MORC4: variants seen among roughly 807,000 people sequenced by gnomAD.
MORC4 encodes MORC family CW-type zinc finger 4, also known as MORC family CW-type zinc finger protein 4.
A neutral mutation model predicts 65.5 loss-of-function variants in MORC4; 22 were observed. That is an observed-to-expected ratio of 0.34 (90% confidence interval 0.24 to 0.48). MORC4 has a LOEUF of 0.48. MORC4 is among the 20% of genes least tolerant of loss of function. MORC4 has a pLI of 0.99. For synonymous variants in MORC4, 267 were observed against 255.8 expected, an observed-to-expected ratio of 1.04 and a Z score of -0.42; for missense variants, 624 against 703.0, an observed-to-expected ratio of 0.89 and a Z score of 1.27.
chrX:106,974,494 T>C (rs774596771), intron 9 of MORC4, among the ~76,000 whole-genome samples: 3 of 111,948 alleles, frequency 2.7e-5, no homozygotes, highest in Admixed American at 9.5e-5. Flanking sequence ...GTGAGACATA[T>C]CTCAAGTCAT....
At chrX:106,976,545 A>G in intron 9 of MORC4, 39 bp downstream of exon 9, 1 of 924,827 alleles carries the variant, frequency 1.1e-6, no homozygotes, top group Non-Finnish European at 1.6e-6. Context: ...TCATATCTGA[A>G]CAAACTAACG....
chrX:106,943,929 C>T (rs758443222), intron 14 of MORC4, among the ~76,000 whole-genome samples: 81 of 112,732 alleles, frequency 7.2e-4, no homozygotes, highest in Non-Finnish European at 1.4e-3. Flanking sequence ...CCATGTTTGG[C>T]TGCTGTATGC....
chrX:106,955,036 T>C lies in MORC4; in HGVS notation c.1562A>G (p.Asn521Ser). 1.7e-6 allele frequency: 2 copies of C among 1,206,955 alleles called. No homozygotes were observed. The highest frequency in any genetic ancestry group is 2.2e-6 in the Non-Finnish European group (2 of 892,011). The change falls in exon 14 of 17, where the codon AAT becomes AGT. Residue 521 changes from asparagine (N) to serine (S), a missense_variant. By Grantham distance (46) the Asn-to-Ser change is conservative. Transcript: ENST00000355610. ...ILTVQEMAGL[N>S]NKTIGYEGIH... ...TCCCTCATATCCAATTGTCTTGTTA[T>C]TCAATCCAGCCATTTCTTGAACAGT...
intron 5 of MORC4, 92 bp from the exon 6 acceptor site, chrX:106,981,569 G>A (rs1934743118): frequency 3.6e-5 from 28 of 788,708 alleles, no homozygotes; most frequent in Non-Finnish European, 4.6e-5. Flanking sequence ...AAAACAATAT[G>A]AGCCAAAACT....
chrX:106,956,600 A>G, intron 12 of MORC4, 66 bp from the exon 13 acceptor site: 6 of 888,897 alleles, frequency 6.7e-6, no homozygotes, highest in East Asian at 6.2e-5. Flanking sequence ...TGGACTGCCA[A>G]TTGTAGATTT....
chrX:106,980,204 C>G (rs1202617843), intron 7 of MORC4, among the ~76,000 whole-genome samples: 3 of 111,238 alleles, frequency 2.7e-5, no homozygotes, highest in Admixed American at 9.6e-5. Context: ...TACCTAATTT[C>G]CATAGTTCAT....
intron 3 of MORC4, among the ~76,000 whole-genome samples, chrX:106,987,866 GA>G (rs11411066): frequency 9.9e-6 from 1 of 100,894 alleles, no homozygotes. Context: ...AGTCCTTTGG[GA>G]AAAAAAAAAA....
intron 5 of MORC4, among the ~76,000 whole-genome samples, chrX:106,982,833 G>A (rs780283305): frequency 8.9e-6 from 1 of 111,745 alleles, no homozygotes; most frequent in South Asian, 3.7e-4. Flanking sequence ...TATTTTCAAC[G>A]CACATTAGTA....
At position 106,995,046 on chromosome X, in the gene MORC4, T is replaced by C. The variant is rs753045451; in HGVS notation, c.176-1684A>G. ...TATTTGAAAATATACAGTTAATTGT[T>C]ATTAATTATAGCCATCCTACAGTGC... On this transcript the variant is annotated intron_variant, in intron 2 of 16. Coordinates refer to ENST00000355610, the MANE Select transcript of MORC4 (RefSeq NM_024657.5). 2.7e-5 allele frequency among the ~76,000 whole-genome samples: 3 copies of C among 111,758 alleles called. No homozygotes were observed. In the East Asian group the frequency reaches 8.4e-4, roughly 31 times the overall value.
chrX:106,988,522 T>C (rs927032050), intron 3 of MORC4, among the ~76,000 whole-genome samples: 4 of 111,934 alleles, frequency 3.6e-5, no homozygotes, highest in African/African-American at 1.3e-4. Context: ...ACTCTTCCCG[T>C]GTGCTCTTTT....
intron 9 of MORC4, among the ~76,000 whole-genome samples, chrX:106,967,418 G>A (rs1355481072): frequency 8.9e-6 from 1 of 111,924 alleles, no homozygotes; most frequent in Non-Finnish European, 1.9e-5. Flanking sequence ...TCCTCCAAAG[G>A]AACACAACTC....
chrX:106,960,691 T>A (rs1290049674), intron 10 of MORC4, among the ~76,000 whole-genome samples: 5 of 111,865 alleles, frequency 4.5e-5, no homozygotes, highest in Admixed American at 3.8e-4. Context: ...GCACACACAC[T>A]CTCTAGCAGT....
At chrX:106,983,712 C>CT (rs201198417) in intron 5 of MORC4, among the ~76,000 whole-genome samples, 16,829 of 98,525 alleles carry the variant, frequency 0.17, 1,554 homozygotes, top group East Asian at 0.53. Context: ...TTTTCTACTT[C>CT]TTTTTTTTTT....
chrX:106,985,545 C>T (rs776742666), intron 4 of MORC4, among the ~76,000 whole-genome samples: 5 of 111,606 alleles, frequency 4.5e-5, no homozygotes, highest in Non-Finnish European at 7.5e-5. Context: ...CTATACTGTT[C>T]CAGTCAAGAG....
In MORC4 at chrX:106,942,678, G is replaced by A. The variant is rs773297227; in HGVS notation, c.2213C>T (p.Ala738Val). 8.3e-7 allele frequency: 1 copy of A among 1,211,694 alleles called. No individual in the cohort carries two copies. The highest frequency in any genetic ancestry group is 3.0e-5 in the East Asian group (1 of 33,835). The change falls in exon 15 of 17, where the codon GCT becomes GTT. Residue 738 changes from alanine to valine, a missense_variant. Ala to Val is a moderately conservative substitution (Grantham distance 64). Transcript: ENST00000355610. ...CCCAATGGCTGCAGCAGGGATTGCA[G>A]CAGAGGCCACAGAATAAGGCACTGG... ...WNPVPYSVAS[A>V]AIPAAAIGEK...
intron 14 of MORC4, among the ~76,000 whole-genome samples, chrX:106,952,756 G>A (rs975584875): frequency 3.6e-5 from 4 of 111,685 alleles, no homozygotes; most frequent in Non-Finnish European, 7.5e-5. Flanking sequence ...TTAGTAAGCT[G>A]AACTACATGA....
intron 7 of MORC4, among the ~76,000 whole-genome samples, chrX:106,979,040 G>A (rs185971345): frequency 3.9e-4 from 43 of 111,437 alleles, no homozygotes; most frequent in African/African-American, 1.3e-3. Flanking sequence ...AGATAAAGGG[G>A]AGATAGAGAA....
At chrX:106,998,516 A>C in intron 2 of MORC4, among the ~76,000 whole-genome samples, 1 of 111,995 alleles carries the variant, frequency 8.9e-6, no homozygotes, top group Non-Finnish European at 1.9e-5. Flanking sequence ...GTAAATCACT[A>C]CTTTTTGCTC....
intron 3 of MORC4, among the ~76,000 whole-genome samples, chrX:106,990,189 T>TA (rs755160254): frequency 7.1e-4 from 72 of 100,952 alleles, no homozygotes; most frequent in South Asian, 4.5e-3. Flanking sequence ...CTCCATCTAA[T>TA]AAAAAAAAAA....
Sources: allele counts gnomAD v4.1 joint callset (sites outside exome capture counted in the v4.1 genomes callset), GRCh38; gene constraint gnomAD v4.1.1; transcripts MANE v1.5; gene names NCBI Gene and HGNC (gene_info 2026-07-23, HGNC 2026-07-21).